EGFR: variants seen among roughly 807,000 people sequenced by gnomAD.
EGFR encodes epidermal growth factor receptor.
EGFR carries 58 observed loss-of-function variants against 143.0 expected under a neutral mutation model. That is an observed-to-expected ratio of 0.41 (90% CI 0.33 to 0.50). The LOEUF (loss-of-function observed/expected upper bound fraction) is 0.50, where lower values mean the gene tolerates loss of function less well. Among genes scored for constraint, EGFR ranks in the 20% least tolerant of loss-of-function variants. EGFR has a pLI of 0.39. For synonymous variants in EGFR, 613 were observed against 594.4 expected (o/e 1.03, Z -0.45); for missense variants, 1,307 against 1,579.0 (o/e 0.83, Z 2.92).
intron 19 of EGFR, among the ~76,000 whole-genome samples, chr7:55,178,268 G>A (rs886451305): frequency 1.3e-5 from 2 of 152,250 alleles, no homozygotes; most frequent in African/African-American, 4.8e-5. Flanking sequence ...CTCCGGGGGA[G>A]AGATGTGATT....
intron 1 of EGFR, among the ~76,000 whole-genome samples, chr7:55,125,628 C>T (rs953559703): frequency 6.6e-6 from 1 of 152,018 alleles, no homozygotes; most frequent in Non-Finnish European, 1.5e-5. Flanking sequence ...TAGATTCACA[C>T]ATACTAGCTG....
intron 1 of EGFR, among the ~76,000 whole-genome samples, chr7:55,115,945 C>T (rs1402516011): frequency 6.6e-6 from 1 of 152,166 alleles, no homozygotes; most frequent in East Asian, 1.9e-4. Flanking sequence ...CCATGCTTCC[C>T]ATGTAACTGG....
At chr7:55,060,381 T>A (rs901836011) in intron 1 of EGFR, among the ~76,000 whole-genome samples, 35 of 152,232 alleles carry the variant, frequency 2.3e-4, no homozygotes, top group Non-Finnish European at 4.3e-4. Context: ...GTTCAAGAAG[T>A]GAAATCGCTG....
intron 15 of EGFR, 138 bp downstream of exon 15, chr7:55,165,575 G>A: frequency 8.3e-7 from 1 of 1,204,432 alleles, no homozygotes; most frequent in East Asian, 2.6e-5. Context: ...GGTCCCCACA[G>A]CCATGCCAGT....
chr7:55,186,128 G>A (rs988737870), intron 20 of EGFR, among the ~76,000 whole-genome samples: 2 of 152,316 alleles, frequency 1.3e-5, no homozygotes, highest in African/African-American at 2.4e-5. Flanking sequence ...GCCAGGTCAC[G>A]AAAACCACGC....
At chr7:55,101,628 G>A (rs764492892) in intron 1 of EGFR, among the ~76,000 whole-genome samples, 11 of 152,184 alleles carry the variant, frequency 7.2e-5, no homozygotes, top group Non-Finnish European at 1.3e-4. Context: ...TGACCTGTCC[G>A]CTTTGTAGTA....
At chr7:55,133,430 GA>G (rs1793965548) in intron 1 of EGFR, among the ~76,000 whole-genome samples, 2 of 152,244 alleles carry the variant, frequency 1.3e-5, no homozygotes, top group Non-Finnish European at 2.9e-5. Context: ...CGTGAAGTCA[GA>G]GGGGAAGGGA....
rs1793153051 is a variant in EGFR at position 55,120,762 on chromosome 7, A to AT, written c.89-21522dup. The stretch of plus-strand genomic sequence containing the variant: ...ATAACACTGGTTTGGAGTGGAGGGC[A>AT]TTCATCGGGCTGCATATTCCTATTT... On this transcript the variant is annotated intron_variant, in intron 1 of 27. Coordinates refer to ENST00000275493, the MANE Select transcript of EGFR (RefSeq NM_005228.5). Among the ~76,000 whole-genome samples, 3 of 152,288 alleles carry AT rather than the reference A, an allele frequency of 2.0e-5. No homozygotes were observed. The South Asian group carries it at 6.2e-4, about 32-fold the overall frequency.
intron 1 of EGFR, among the ~76,000 whole-genome samples, chr7:55,054,900 G>A (rs979491947): frequency 1.3e-5 from 2 of 152,154 alleles, no homozygotes; most frequent in Non-Finnish European, 2.9e-5. Flanking sequence ...GCCCAGCCTC[G>A]TTGCGCACCC....
chr7:55,031,390 C>T (rs1277867800), intron 1 of EGFR, among the ~76,000 whole-genome samples: 1 of 152,334 alleles, frequency 6.6e-6, no homozygotes, highest in East Asian at 1.9e-4. Flanking sequence ...CAAGGCAGAA[C>T]AGAAAGTTCA....
intron 1 of EGFR, among the ~76,000 whole-genome samples, chr7:55,131,754 T>C (rs1361835474): frequency 6.6e-6 from 1 of 152,150 alleles, no homozygotes. Context: ...GGCCCTGGGG[T>C]GTCCAGCATG....
At chr7:55,121,764 C>G (rs746331432) in intron 1 of EGFR, among the ~76,000 whole-genome samples, 2 of 152,212 alleles carry the variant, frequency 1.3e-5, no homozygotes, top group Non-Finnish European at 2.9e-5. Flanking sequence ...AGAACTTCCT[C>G]TTACTAGAAT....
chr7:55,129,385 G>T (rs911931092), intron 1 of EGFR, among the ~76,000 whole-genome samples: 1 of 152,234 alleles, frequency 6.6e-6, no homozygotes, highest in African/African-American at 2.4e-5. Flanking sequence ...GCAATACGTT[G>T]CATCTGTGTT....
chr7:55,048,981 C>T (rs527812620), intron 1 of EGFR, among the ~76,000 whole-genome samples: 8 of 152,240 alleles, frequency 5.3e-5, no homozygotes, highest in Admixed American at 2.6e-4. Context: ...GGAGTGGGTG[C>T]ACTTCAATAA....
Position 55,205,865 on chromosome 7 carries a change from G to A in EGFR, c.*248G>A. The stretch of plus-strand genomic sequence containing the variant: ...CATCCAGCAAGAATATTGTCCCTTT[G>A]AGCAGAAATTTATCTTTCAAAGAGG... On this transcript the variant is annotated 3_prime_UTR_variant, in exon 28 of 28. Transcript: ENST00000275493. 2 of 545,368 alleles carry A rather than the reference G, an allele frequency of 3.7e-6. No homozygotes were observed. Among genetic ancestry groups the A allele is most frequent in the South Asian group, 2.4e-5 (1 of 41,682 alleles). The allele number at this position is 545,368 out of a possible 1,614,324, so 33.8% of individuals were successfully genotyped here. A position where few individuals can be genotyped will look rare whatever the true frequency, so the allele number is the denominator to read the frequency against.
In EGFR at chr7:55,035,622, T is replaced by G. The variant is rs1787517305; in HGVS notation, c.88+16257T>G. ...ATCACTTGAATCCAGGAAGCAGAGG[T>G]TGCAGTGAGCAGAGATTGCACCACT... On this transcript the variant is annotated intron_variant, in intron 1 of 27. Transcript: ENST00000275493. 2.0e-5 allele frequency among the ~76,000 whole-genome samples: 3 copies of G among 150,788 alleles called. No individual in the cohort carries two copies. In the South Asian group the frequency reaches 6.3e-4, roughly 32 times the overall value.
intron 1 of EGFR, among the ~76,000 whole-genome samples, chr7:55,077,719 GA>G (rs769832561): frequency 3.9e-5 from 6 of 152,330 alleles, no homozygotes; most frequent in Non-Finnish European, 7.3e-5. Context: ...GGCTCTCATG[GA>G]AGAGCGGGAG....
chr7:55,065,696 G>A (rs529252068), intron 1 of EGFR, among the ~76,000 whole-genome samples: 230 of 152,278 alleles, frequency 1.5e-3, no homozygotes, highest in Non-Finnish European at 2.5e-3. Flanking sequence ...AGGTGTTGGG[G>A]GAATTAGGGA....
chr7:55,152,338 T>A, intron 5 of EGFR: 1 of 752,358 alleles, frequency 1.3e-6, no homozygotes. Flanking sequence ...CTTGATCTCA[T>A]GAGTTCTCTT....
Sources: gnomAD v4.1 joint callset for allele counts (sites outside exome capture counted in the v4.1 genomes callset) on GRCh38, gnomAD v4.1.1 for gene constraint, MANE v1.5 for transcripts, NCBI Gene and HGNC (gene_info 2026-07-23, HGNC 2026-07-21) for gene names.